VLDLR: variants seen among roughly 807,000 people sequenced by gnomAD.
VLDLR encodes the protein very low-density lipoprotein receptor.
In VLDLR, 81 loss-of-function variants were observed where a neutral mutation model predicts 112.7. That is an observed-to-expected ratio of 0.72 (90% CI 0.60 to 0.86). The LOEUF is 0.86. VLDLR is among the 40% of genes least tolerant of loss of function. The pLI, the probability that VLDLR is intolerant of heterozygous loss-of-function variation, is 0.00. For synonymous variants in VLDLR, 436 were observed against 384.8 expected (o/e 1.13, Z -1.56); for missense variants, 1,237 against 1,099.4 (o/e 1.13, Z -1.77).
At position 2,657,069 on chromosome 9, in the gene VLDLR, A is replaced by G. The variant is rs1818638545; in HGVS notation, c.*3201A>G. On this transcript the variant is annotated 3_prime_UTR_variant, in exon 19 of 19. Transcript: ENST00000382100. ...GAAGCCAAGCTTTAAATAGCAAACT[A>G]CAGGGTATTAAAAGACTAACTCTTC... is the stretch of plus-strand genomic sequence containing the variant. 1 of 152,138 alleles carries G rather than the reference A, an allele frequency of 6.6e-6. No homozygotes were observed. Among genetic ancestry groups the G allele is most frequent in the African/African-American group, 2.4e-5 (1 of 41,540 alleles). 9.4% of individuals were successfully genotyped at this position (152,138 alleles called of 1,614,324 possible).
At chr9:2,625,118 C>A (rs976603657) in intron 1 of VLDLR, among the ~76,000 whole-genome samples, 1 of 152,192 alleles carries the variant, frequency 6.6e-6, no homozygotes, top group Non-Finnish European at 1.5e-5. Flanking sequence ...AAGACCTGAT[C>A]CAAGTGTCTC....
At chr9:2,625,248 AC>A (rs1817038216) in intron 1 of VLDLR, among the ~76,000 whole-genome samples, 1 of 152,212 alleles carries the variant, frequency 6.6e-6, no homozygotes, top group African/African-American at 2.4e-5. Flanking sequence ...AATTGATAAG[AC>A]TTAACAAGAA....
At chr9:2,653,590 G>C (rs956176277) in intron 18 of VLDLR, among the ~76,000 whole-genome samples, 2 of 152,128 alleles carry the variant, frequency 1.3e-5, no homozygotes, top group East Asian at 3.9e-4. Flanking sequence ...CAAGACTTAT[G>C]ATCATTAAGT....
At chr9:2,635,909 A>G (rs553429698) in intron 2 of VLDLR, among the ~76,000 whole-genome samples, 6 of 152,130 alleles carry the variant, frequency 3.9e-5, no homozygotes, top group African/African-American at 2.4e-5. Flanking sequence ...TTAATTTTCA[A>G]ATGGCTCTGA....
Position 2,654,026 on chromosome 9 carries a change from T to C in VLDLR, c.*158T>C, listed in dbSNP as rs1818484559. The C allele has an allele frequency of 1.4e-6, 1 of 697,926 alleles. No individual in the cohort carries two copies. Among genetic ancestry groups the C allele is most frequent in the Non-Finnish European group, 2.5e-6 (1 of 403,030 alleles). The allele number at this position is 697,926 out of a possible 1,614,324, so 43.2% of individuals were successfully genotyped here. A position where few individuals can be genotyped will look rare whatever the true frequency, so the allele number is the denominator to read the frequency against. On this transcript the variant is annotated 3_prime_UTR_variant, in exon 19 of 19. Coordinates refer to ENST00000382100, the MANE Select transcript of VLDLR (RefSeq NM_003383.5). ...AAGCTTGTGTACTTGACCGTTTTTA[T>C]ATTACTTTTGTAAATATTCTTGTCC...
In VLDLR at chr9:2,648,786, T is replaced by C. The variant is rs1818184062; in HGVS notation, c.2080T>C (p.Tyr694His). 1.2e-6 allele frequency: 2 copies of C among 1,614,180 alleles called. No homozygotes were observed. Among genetic ancestry groups the C allele is most frequent in the South Asian group, 2.2e-5 (2 of 91,080 alleles). ...NLNDAQDIIV[Y>H]HELVQPSGKN... is the part of the protein sequence containing the mutation. ...GAATGATGCCCAAGACATCATTGTC[T>C]ATCATGAACTTGTACAGCCATCAGG... is the stretch of plus-strand genomic sequence containing the variant. The change falls in exon 14 of 19, where the codon TAT (tyrosine) becomes CAT (histidine). Residue 694 changes from tyrosine to histidine, a missense_variant. Coordinates refer to ENST00000382100, the MANE Select transcript of VLDLR (RefSeq NM_003383.5).
intron 4 of VLDLR, among the ~76,000 whole-genome samples, chr9:2,642,286 T>C (rs975020333): frequency 1.3e-5 from 2 of 152,096 alleles, no homozygotes; most frequent in South Asian, 2.1e-4. Context: ...CCTGATATGG[T>C]AGTAGTCAAG....
At chr9:2,634,027 A>C (rs767708224) in intron 1 of VLDLR, among the ~76,000 whole-genome samples, 2 of 152,190 alleles carry the variant, frequency 1.3e-5, no homozygotes, top group Non-Finnish European at 2.9e-5. Flanking sequence ...AAGGTAGGAA[A>C]CCATTCTGCT....
intron 4 of VLDLR, among the ~76,000 whole-genome samples, chr9:2,642,721 A>C (rs529584535): frequency 2.6e-5 from 4 of 152,180 alleles, no homozygotes; most frequent in Non-Finnish European, 4.4e-5. Flanking sequence ...TATGTGGTTC[A>C]CCTCTTTTGG....
chr9:2,647,705 C>G (rs1217505563), intron 12 of VLDLR, 113 bp downstream of exon 12: 3 of 967,202 alleles, frequency 3.1e-6, no homozygotes, highest in Middle Eastern at 2.1e-4. Context: ...CGCCTAAATT[C>G]TAGCAGGAAT....
At chr9:2,640,353 G>C (rs960988529) in intron 3 of VLDLR, among the ~76,000 whole-genome samples, 1 of 152,152 alleles carries the variant, frequency 6.6e-6, no homozygotes, top group African/African-American at 2.4e-5. Flanking sequence ...TATGGGCCAA[G>C]CAAAAGCTTT....
At chr9:2,638,250 G>T (rs975055385) in intron 2 of VLDLR, among the ~76,000 whole-genome samples, 15 of 152,218 alleles carry the variant, frequency 9.9e-5, no homozygotes, top group African/African-American at 3.1e-4. Context: ...ATCCTTTATA[G>T]ATCATCATAA....
At chr9:2,650,217 C>T (rs986464002) in intron 14 of VLDLR, among the ~76,000 whole-genome samples, 153 bp from the exon 15 acceptor site, 3 of 152,154 alleles carry the variant, frequency 2.0e-5, no homozygotes, top group African/African-American at 7.2e-5. Context: ...TATACTTATT[C>T]TTCCTTGATA....
chr9:2,628,463 G>A (rs544305456), intron 1 of VLDLR, among the ~76,000 whole-genome samples: 2 of 152,314 alleles, frequency 1.3e-5, no homozygotes, highest in African/African-American at 4.8e-5. Flanking sequence ...ATGGTGGGTA[G>A]TGACCAATAG....
At position 2,621,794 on chromosome 9, in the gene VLDLR, T is replaced by C; in HGVS notation, c.-396T>C. ...GCCCCCTCCCCGCTGCTCACCCCGC[T>C]CTCCGGCCGCCGCCGGTGCGGGTGC... On this transcript the variant is annotated 5_prime_UTR_variant, in exon 1 of 19. Coordinates refer to ENST00000382100, the MANE Select transcript of VLDLR (RefSeq NM_003383.5). The C allele has an allele frequency of 2.3e-6, 1 of 440,868 alleles. No homozygotes were observed. Among genetic ancestry groups the C allele is most frequent in the Non-Finnish European group, 4.3e-6 (1 of 230,996 alleles). 27.3% of individuals were successfully genotyped at this position (440,868 alleles called of 1,614,324 possible).
At chr9:2,625,240 T>C (rs906281417) in intron 1 of VLDLR, among the ~76,000 whole-genome samples, 1 of 152,194 alleles carries the variant, frequency 6.6e-6, no homozygotes, top group Admixed American at 6.5e-5. Context: ...AGGTATCAAA[T>C]TGATAAGACT....
chr9:2,642,575 T>G (rs982314885), intron 4 of VLDLR, among the ~76,000 whole-genome samples: 6 of 152,210 alleles, frequency 3.9e-5, no homozygotes, highest in African/African-American at 1.2e-4. Context: ...TAGGACTAGC[T>G]TATCATTGTC....
chr9:2,652,481 C>T (rs922561056), intron 17 of VLDLR, among the ~76,000 whole-genome samples: 6 of 152,174 alleles, frequency 3.9e-5, no homozygotes, highest in Non-Finnish European at 7.4e-5. Flanking sequence ...GCCAGGACCA[C>T]CTGAATAGCT....
Position 2,647,580 on chromosome 9 carries a change from G to A in VLDLR, c.1810G>A (p.Gly604Arg), listed in dbSNP as rs147695876. ...GACAGCGGATATCCAGTGGCCTAAC[G>A]GAATTACACTTGGTATGTATGTTCT... The part of the protein sequence containing the change: ...LVTADIQWPN[G>R]ITLDLIKSRL... The change falls in exon 12 of 19, where the codon GGA (glycine) becomes AGA (arginine). Residue 604 changes from glycine to arginine, a missense_variant. By Grantham distance (125) the Gly-to-Arg change is moderately radical. Coordinates refer to ENST00000382100, the MANE Select transcript of VLDLR (RefSeq NM_003383.5). 41 of 1,613,426 alleles carry A rather than the reference G, an allele frequency of 2.5e-5. No individual in the cohort carries two copies. Among genetic ancestry groups the A allele is most frequent in the African/African-American group, 4.0e-5 (3 of 74,904 alleles).
Sources: allele counts gnomAD v4.1 joint callset (sites outside exome capture counted in the v4.1 genomes callset), GRCh38; gene constraint gnomAD v4.1.1; transcripts MANE v1.5; gene names NCBI Gene and HGNC (gene_info 2026-07-23, HGNC 2026-07-21).